The following UNC5D variants were observed in gnomAD, a reference collection of about 807,000 sequenced individuals.
UNC5D encodes the protein unc-5 netrin receptor D, also known as netrin receptor UNC5D.
Under a neutral mutation model 105.4 loss-of-function variants are expected in UNC5D, and 39 were observed. The observed-to-expected ratio is 0.37, with a 90% CI of 0.29 to 0.48. The LOEUF (loss-of-function observed/expected upper bound fraction) is 0.48, where lower values mean the gene tolerates loss of function less well. Ranked by LOEUF, UNC5D falls within the 20% of genes least tolerant of loss-of-function variation. The pLI, the probability that UNC5D is intolerant of heterozygous loss-of-function variation, is 0.98. For missense variants in UNC5D, 991 were observed against 1,202.4 expected, an observed-to-expected ratio of 0.82 and a Z score of 2.60; for synonymous variants, 452 against 450.4, an observed-to-expected ratio of 1.00 and a Z score of -0.04.
chr8:35,546,434 G>T (rs895732880), intron 1 of UNC5D, among the ~76,000 whole-genome samples: 3 of 152,146 alleles, frequency 2.0e-5, no homozygotes, highest in Non-Finnish European at 4.4e-5. Context: ...TCTGGCATTT[G>T]TGCCAGATAC....
chr8:35,446,153 C>A (rs1807776910), intron 1 of UNC5D, among the ~76,000 whole-genome samples: 1 of 151,706 alleles, frequency 6.6e-6, no homozygotes, highest in African/African-American at 2.4e-5. Flanking sequence ...TTACTCCTCA[C>A]CCCCTTCCCA....
At chr8:35,415,967 T>C (rs1024301747) in intron 1 of UNC5D, among the ~76,000 whole-genome samples, 2 of 152,158 alleles carry the variant, frequency 1.3e-5, no homozygotes, top group African/African-American at 4.8e-5. Context: ...AAAGTGAAGT[T>C]TTGTTATTGC....
intron 2 of UNC5D, among the ~76,000 whole-genome samples, chr8:35,565,338 G>A (rs1360143181): frequency 6.6e-6 from 1 of 152,120 alleles, no homozygotes; most frequent in Non-Finnish European, 1.5e-5. Context: ...CTTATAATTA[G>A]TAATGTTGAG....
intron 1 of UNC5D, among the ~76,000 whole-genome samples, chr8:35,406,534 T>A (rs887119423): frequency 3.3e-5 from 5 of 152,170 alleles, no homozygotes; most frequent in African/African-American, 1.2e-4. Context: ...TGTAGGGTTA[T>A]TTGGTCTAAA....
intron 1 of UNC5D, among the ~76,000 whole-genome samples, chr8:35,467,231 A>C (rs1809372511): frequency 6.6e-6 from 1 of 152,178 alleles, no homozygotes; most frequent in Non-Finnish European, 1.5e-5. Flanking sequence ...GTCTTTGAGC[A>C]CTGGATGGAT....
intron 1 of UNC5D, among the ~76,000 whole-genome samples, chr8:35,272,766 C>A (rs752252632): frequency 2.6e-5 from 4 of 152,112 alleles, no homozygotes; most frequent in Non-Finnish European, 5.9e-5. Flanking sequence ...CTTCCAAAAC[C>A]AGGTTTTCAG....
intron 1 of UNC5D, among the ~76,000 whole-genome samples, chr8:35,492,732 G>A (rs1228562686): frequency 6.6e-6 from 1 of 152,076 alleles, no homozygotes; most frequent in Admixed American, 6.5e-5. Flanking sequence ...GTGAGGGGTA[G>A]TAAATGATTT....
At chr8:35,666,010 T>C (rs1020922553) in intron 4 of UNC5D, among the ~76,000 whole-genome samples, 3 of 151,896 alleles carry the variant, frequency 2.0e-5, no homozygotes, top group African/African-American at 7.2e-5. Flanking sequence ...GAATGGATTA[T>C]TAGGGATATT....
chr8:35,446,716 T>G (rs951258252), intron 1 of UNC5D, among the ~76,000 whole-genome samples: 1 of 152,092 alleles, frequency 6.6e-6, no homozygotes, highest in Admixed American at 6.6e-5. Flanking sequence ...ATCAGTTAAT[T>G]GCCCTTGGGT....
At position 35,750,741 on chromosome 8, in the gene UNC5D, A is replaced by C. The variant is rs537388504; in HGVS notation, c.2095A>C (p.Met699Leu). The change falls in exon 13 of 17, where the codon ATG becomes CTG. Residue 699 changes from methionine (M) to leucine (L), a missense_variant. Transcript: ENST00000404895. The part of the protein sequence containing the change: ...KQLKVAVFGC[M>L]SCNSLDYNLR... Reference sequence around the variant, plus strand: ...ACTGAAGGTGGCGGTTTTTGGCTGCATGTCCTGTAACTCCCTGGATTACAA... The same window carrying C: ...ACTGAAGGTGGCGGTTTTTGGCTGCCTGTCCTGTAACTCCCTGGATTACAA... The C allele has an allele frequency of 5.5e-5, 88 of 1,614,158 alleles. 1 individual carries two copies. In the South Asian group the frequency reaches 9.6e-4, roughly 18 times the overall value.
intron 1 of UNC5D, among the ~76,000 whole-genome samples, chr8:35,507,098 CAGGCTGG>C (rs952173073): frequency 2.8e-5 from 4 of 140,922 alleles, no homozygotes; most frequent in Admixed American, 7.4e-5. Flanking sequence ...CTCTGTCGCC[CAGGCTGG>C]AGTGCAGTGG....
intron 1 of UNC5D, among the ~76,000 whole-genome samples, chr8:35,284,545 A>G (rs771096008): frequency 1.3e-5 from 2 of 151,988 alleles, no homozygotes; most frequent in African/African-American, 4.8e-5. Flanking sequence ...AATTTAAAAT[A>G]TAATGTTTCT....
intron 4 of UNC5D, among the ~76,000 whole-genome samples, chr8:35,638,175 T>C (rs1304479696): frequency 2.0e-5 from 3 of 152,226 alleles, no homozygotes; most frequent in African/African-American, 7.2e-5. Context: ...ATACTTCCTG[T>C]ACATATTTTT....
chr8:35,271,062 T>C (rs974536647), intron 1 of UNC5D, among the ~76,000 whole-genome samples: 6 of 151,518 alleles, frequency 4.0e-5, no homozygotes, highest in Admixed American at 3.9e-4. Context: ...TAACTGATAT[T>C]TTAAGAGAGA....
At chr8:35,702,578 T>C (rs991162491) in intron 7 of UNC5D, among the ~76,000 whole-genome samples, 1 of 152,128 alleles carries the variant, frequency 6.6e-6, no homozygotes, top group Non-Finnish European at 1.5e-5. Context: ...GGATGTTCCA[T>C]GGCCGGGAGC....
intron 10 of UNC5D, among the ~76,000 whole-genome samples, chr8:35,728,764 A>T (rs902947026): frequency 6.6e-6 from 1 of 152,138 alleles, no homozygotes; most frequent in African/African-American, 2.4e-5. Context: ...TCTAGAAATT[A>T]TTTATTATTC....
chr8:35,794,493 C>T lies in UNC5D; in HGVS notation c.*3930C>T, dbSNP rs575621349. 1 of 152,702 alleles carries T rather than the reference C, an allele frequency of 6.5e-6. No individual in the cohort carries two copies. The highest frequency in any genetic ancestry group is 2.4e-5 in the African/African-American group (1 of 41,554). The allele number at this position is 152,702 out of a possible 1,614,324, so 9.5% of individuals were successfully genotyped here. ...CAGAGAATGACACAATTTTATTCGC[C>T]TTTGGTGTTAGTTGCCATAGTGCTG... On this transcript the variant is annotated 3_prime_UTR_variant, in exon 17 of 17. Coordinates refer to ENST00000404895, the MANE Select transcript of UNC5D (RefSeq NM_080872.4).
intron 1 of UNC5D, among the ~76,000 whole-genome samples, chr8:35,325,900 A>T (rs993479031): frequency 6.6e-6 from 1 of 152,158 alleles, no homozygotes; most frequent in African/African-American, 2.4e-5. Context: ...GAAAATGAGG[A>T]TGATTGAGGC....
At chr8:35,491,773 A>C (rs1811228869) in intron 1 of UNC5D, among the ~76,000 whole-genome samples, 1 of 152,148 alleles carries the variant, frequency 6.6e-6, no homozygotes, top group African/African-American at 2.4e-5. Flanking sequence ...CATGTCCTGC[A>C]TCTTGTATTT....
Sources: allele counts gnomAD v4.1 joint callset (sites outside exome capture counted in the v4.1 genomes callset), GRCh38; gene constraint gnomAD v4.1.1; transcripts MANE v1.5; gene names NCBI Gene and HGNC (gene_info 2026-07-23, HGNC 2026-07-21).